KDM3A: variants seen among roughly 807,000 people sequenced by gnomAD.
KDM3A encodes the protein lysine demethylase 3A, also known as lysine-specific demethylase 3A.
Under a neutral mutation model 158.0 loss-of-function variants are expected in KDM3A, and 60 were observed. The observed-to-expected ratio is 0.38, with a 90% CI of 0.31 to 0.47. The LOEUF (loss-of-function observed/expected upper bound fraction) is 0.47, where lower values mean the gene tolerates loss of function less well. KDM3A is among the 20% of genes least tolerant of loss of function. The pLI is 0.99. For missense variants in KDM3A, 1,319 were observed against 1,574.3 expected (o/e 0.84, Z 2.74); for synonymous variants, 608 against 549.3 (o/e 1.11, Z -1.49).
At chr2:86,478,536 T>A in intron 14 of KDM3A, 72 bp from the exon 15 acceptor site, 1 of 1,533,582 alleles carries the variant, frequency 6.5e-7, no homozygotes, top group Non-Finnish European at 8.9e-7. Flanking sequence ...AATGCCAGCT[T>A]CTGCTCTGTA....
intron 23 of KDM3A, chr2:86,490,498 AGCTGTCT>A (rs2104718134): frequency 6.3e-6 from 1 of 159,910 alleles, no homozygotes; most frequent in East Asian, 1.8e-4. Context: ...TCTAATCTGC[AGCTGTCT>A]TTGGGACTGT....
chr2:86,487,116 A>G (rs533134257), intron 21 of KDM3A: 2 of 152,176 alleles, frequency 1.3e-5, no homozygotes, highest in East Asian at 3.8e-4. Context: ...GCATTTTTCC[A>G]ATAAATTGTA....
intron 10 of KDM3A, among the ~76,000 whole-genome samples, chr2:86,469,209 T>C (rs1673291296): frequency 6.6e-6 from 1 of 152,194 alleles, no homozygotes; most frequent in African/African-American, 2.4e-5. Context: ...AAGGTAATTA[T>C]TGAAGATGTT....
At chr2:86,447,288 CTT>C (rs751507169) in intron 2 of KDM3A, among the ~76,000 whole-genome samples, 11 of 135,628 alleles carry the variant, frequency 8.1e-5, no homozygotes, top group Admixed American at 2.2e-4. Flanking sequence ...AGGAGGTAAA[CTT>C]TTTTTTTTTT....
chr2:86,480,332 A>G lies in KDM3A; in HGVS notation c.2482A>G (p.Thr828Ala). Reference sequence around the variant, plus strand: ...TCCTCTAAACTGGCTGGCCGACCTAACCAGCGGGAATGTCAACAAGGAAAA... The same window carrying G: ...TCCTCTAAACTGGCTGGCCGACCTAGCCAGCGGGAATGTCAACAAGGAAAA... ...TSPLNWLADL[T>A]SGNVNKENKE... The change falls in exon 16 of 26, where the codon ACC becomes GCC. Residue 828 changes from threonine to alanine, a missense_variant. Thr to Ala is a moderately conservative substitution (Grantham distance 58). Transcript: ENST00000312912. 6.2e-7 allele frequency: 1 copy of G among 1,613,186 alleles called. No individual in the cohort carries two copies. Among genetic ancestry groups the G allele is most frequent in the Non-Finnish European group, 8.5e-7 (1 of 1,179,394 alleles).
At chr2:86,477,828 TCAGAAGC>T in intron 12 of KDM3A, 42 bp from the exon 13 acceptor site, 1 of 1,534,198 alleles carries the variant, frequency 6.5e-7, no homozygotes, top group Non-Finnish European at 8.8e-7. Context: ...GTTTTTGGTT[TCAGAAGC>T]CCTCTCCTTC....
chr2:86,447,582 A>G (rs1401217527), intron 2 of KDM3A, among the ~76,000 whole-genome samples: 1 of 152,092 alleles, frequency 6.6e-6, no homozygotes, highest in African/African-American at 2.4e-5. Flanking sequence ...AAAACTACCT[A>G]GTTGTCTTGC....
Position 86,477,893 on chromosome 2 carries a change from G to A in KDM3A, c.1956G>A (p.Lys652=). Residue 652 remains lysine, a synonymous_variant, in exon 13 of 26, where the codon AAG becomes AAA. Transcript: ENST00000312912. ...TTTTTGCAGGACAGGTTGCTTGGAA[G>A]CGAGCTGTCAAAGGTGTTCGAGAAA... ...TIEPHRQVAW[K]RAVKGVREMC... The A allele has an allele frequency of 6.2e-7, 1 of 1,608,364 alleles. No homozygotes were observed.
rs1162353883 is a variant in KDM3A, at chr2:86,441,415, C to G, written c.-60C>G. 6.6e-6 allele frequency: 1 copy of G among 152,340 alleles called. No homozygotes were observed. The highest frequency in any genetic ancestry group is 1.5e-5 in the Non-Finnish European group (1 of 68,178). The allele number at this position is 152,340 out of a possible 1,614,324, so 9.4% of individuals were successfully genotyped here. On this transcript the variant is annotated 5_prime_UTR_variant, in exon 1 of 26. Coordinates refer to ENST00000312912, the MANE Select transcript of KDM3A (RefSeq NM_018433.6). ...CTAGGCGGCTGGAAACGGCGGCTGC[C>G]GCCGGTGACTCAGGGAGGCGGGAGG...
intron 11 of KDM3A, among the ~76,000 whole-genome samples, chr2:86,473,815 T>G (rs1039632521): frequency 2.6e-5 from 4 of 152,218 alleles, no homozygotes; most frequent in African/African-American, 9.7e-5. Flanking sequence ...GAAAAGAACA[T>G]TCAAGTGTTA....
At chr2:86,489,220 G>C in intron 21 of KDM3A, 98 bp from the exon 22 acceptor site, 1 of 1,307,470 alleles carries the variant, frequency 7.6e-7, no homozygotes, top group Non-Finnish European at 1.1e-6. Flanking sequence ...CTCAGCAGAA[G>C]AGTCAATCAG....
intron 8 of KDM3A, among the ~76,000 whole-genome samples, chr2:86,463,047 C>T (rs762746320): frequency 9.9e-5 from 15 of 152,094 alleles, no homozygotes; most frequent in Non-Finnish European, 1.5e-4. Flanking sequence ...ACCAAGATGG[C>T]GCTGCTGCAC....
chr2:86,456,449 A>C lies in KDM3A; in HGVS notation c.564A>C (p.Lys188Asn), dbSNP rs534821514. 4 of 1,512,966 alleles carry C rather than the reference A, an allele frequency of 2.6e-6. No homozygotes were observed. The African/African-American group carries it at 5.8e-5, about 22-fold the overall frequency. The allele number at this position is 1,512,966 out of a possible 1,614,324, so 93.7% of individuals were successfully genotyped here. ...TTTTTTTTTTTTTTTAAGGTGACAA[A>C]AACTTAGTTGGTTCAGAAGTAAAAA... is the stretch of plus-strand genomic sequence containing the variant. The part of the protein sequence containing the change: ...LDESHLLKGD[K>N]NLVGSEVKIY... The change falls in exon 6 of 26, where the codon AAA becomes AAC. Residue 188 changes from lysine to asparagine, a missense_variant. Coordinates refer to ENST00000312912, the MANE Select transcript of KDM3A (RefSeq NM_018433.6).
chr2:86,448,671 A>G (rs1474737047), intron 2 of KDM3A, among the ~76,000 whole-genome samples: 1 of 152,174 alleles, frequency 6.6e-6, no homozygotes, highest in East Asian at 1.9e-4. Flanking sequence ...TAGTTAATAA[A>G]CTGAAGGTTG....
upstream of KDM3A, among the ~76,000 whole-genome samples, chr2:86,438,503 C>G (rs1048847421): frequency 6.6e-6 from 1 of 151,688 alleles, no homozygotes; most frequent in Admixed American, 6.6e-5. Flanking sequence ...AGTGTTCTCA[C>G]CACACAAAAA....
Position 86,457,090 on chromosome 2 carries a change from A to G in KDM3A, c.843+19A>G, listed in dbSNP as rs369851041. 6.0e-6 allele frequency: 8 copies of G among 1,336,546 alleles called. No individual in the cohort carries two copies. Among genetic ancestry groups the G allele is most frequent in the African/African-American group, 5.9e-5 (4 of 68,316 alleles). 82.8% of individuals were successfully genotyped at this position (1,336,546 alleles called of 1,614,324 possible). ...CTCTGAGGTAACCTTTATTTATGTC[A>G]CTTGTGTAAAGCTTTCCTTAACTCC... On this transcript the variant is annotated intron_variant, in intron 8 of 25. Transcript: ENST00000312912.
At chr2:86,468,811 A>G (rs781082389) in intron 10 of KDM3A, among the ~76,000 whole-genome samples, 3 of 151,970 alleles carry the variant, frequency 2.0e-5, no homozygotes, top group Non-Finnish European at 4.4e-5. Flanking sequence ...TGGGCGTTGC[A>G]TTTTTCTCTT....
intron 21 of KDM3A, chr2:86,487,768 T>C (rs895455558): frequency 2.0e-5 from 3 of 152,284 alleles, no homozygotes; most frequent in Admixed American, 6.5e-5. Flanking sequence ...TTGACCATTA[T>C]GTTTTTACAA....
At chr2:86,452,525 A>G (rs1434516408) in intron 4 of KDM3A, among the ~76,000 whole-genome samples, 1 of 152,176 alleles carries the variant, frequency 6.6e-6, no homozygotes, top group Non-Finnish European at 1.5e-5. Flanking sequence ...TTGATAAAAC[A>G]TAACTACTGC....
Sources: allele counts gnomAD v4.1 joint callset (sites outside exome capture counted in the v4.1 genomes callset), GRCh38; gene constraint gnomAD v4.1.1; transcripts MANE v1.5; gene names NCBI Gene and HGNC (gene_info 2026-07-23, HGNC 2026-07-21).